Variants in SH3GL3 observed in about 807,000 individuals in gnomAD.
The protein encoded by SH3GL3 is SH3 domain containing GRB2 like 3, endophilin A3.
In SH3GL3, 33 loss-of-function variants were observed where a neutral mutation model predicts 47.7. The ratio of observed to expected loss-of-function variants is 0.69; its 90% confidence interval spans 0.52 to 0.92. SH3GL3 has a LOEUF of 0.92. SH3GL3 is among the 40% of genes least tolerant of loss of function. SH3GL3 has a pLI of 0.00. For missense variants in SH3GL3, 363 were observed against 417.8 expected (o/e 0.87, Z 1.14); for synonymous variants, 155 against 148.8 (o/e 1.04, Z -0.30).
intron 1 of SH3GL3, among the ~76,000 whole-genome samples, chr15:83,533,791 C>T (rs1182219517): frequency 2.0e-5 from 3 of 152,124 alleles, no homozygotes; most frequent in Non-Finnish European, 4.4e-5. Context: ...TGCAGTATGG[C>T]TTTGATCTCT....
chr15:83,563,319 A>G (rs1033791520), intron 2 of SH3GL3, among the ~76,000 whole-genome samples: 2 of 151,982 alleles, frequency 1.3e-5, no homozygotes, highest in African/African-American at 4.8e-5. Context: ...TCCATTTTCA[A>G]TATTACATAA....
the SH3GL3 span, among the ~76,000 whole-genome samples, chr15:83,629,767 C>T: frequency 6.6e-6 from 1 of 152,100 alleles, no homozygotes; most frequent in Non-Finnish European, 1.5e-5. Flanking sequence ...CTACAGTGAG[C>T]TATAATCACA....
chr15:83,624,114 G>A, the SH3GL3 span, among the ~76,000 whole-genome samples: 2 of 152,132 alleles, frequency 1.3e-5, no homozygotes, highest in Non-Finnish European at 1.5e-5. Flanking sequence ...ATATGTTGCC[G>A]GATGTGTTTG....
At chr15:83,505,152 T>C (rs749181896) in intron 1 of SH3GL3, among the ~76,000 whole-genome samples, 2 of 152,142 alleles carry the variant, frequency 1.3e-5, no homozygotes, top group Non-Finnish European at 2.9e-5. Flanking sequence ...TTGTCCTGGG[T>C]TTGAGACTAT....
chr15:83,577,940 C>A (rs558493674), intron 6 of SH3GL3, among the ~76,000 whole-genome samples: 3 of 152,214 alleles, frequency 2.0e-5, no homozygotes, highest in African/African-American at 7.2e-5. Flanking sequence ...GCTGTCATCC[C>A]CCAGCTCTCT....
intron 1 of SH3GL3, among the ~76,000 whole-genome samples, chr15:83,543,378 G>A (rs2044253970): frequency 6.6e-6 from 1 of 151,956 alleles, no homozygotes; most frequent in South Asian, 2.1e-4. Context: ...AATTCAGTTT[G>A]GTAGTAGTTT....
chr15:83,494,210 G>A (rs2041990466), intron 1 of SH3GL3, among the ~76,000 whole-genome samples: 1 of 152,230 alleles, frequency 6.6e-6, no homozygotes, highest in Admixed American at 6.5e-5. Flanking sequence ...TTGGGTGGCA[G>A]GAGGAATGGC....
chr15:83,449,382 C>G (rs2039621506), intron 1 of SH3GL3, among the ~76,000 whole-genome samples: 1 of 147,082 alleles, frequency 6.8e-6, no homozygotes, highest in Non-Finnish European at 1.5e-5. Flanking sequence ...CTGCTGTGAG[C>G]AGAGCAGAGC....
At chr15:83,559,390 T>G (rs578010154) in intron 2 of SH3GL3, 69 bp downstream of exon 2, 1 of 851,650 alleles carries the variant, frequency 1.2e-6, no homozygotes. Context: ...ATACTGCTAT[T>G]GTAAAGGATA....
chr15:83,517,364 C>T (rs1479556250), intron 1 of SH3GL3, among the ~76,000 whole-genome samples: 2 of 151,958 alleles, frequency 1.3e-5, no homozygotes, highest in East Asian at 3.9e-4. Flanking sequence ...ACTACCATGC[C>T]TGGCTAATTT....
At position 83,465,778 on chromosome 15, in the gene SH3GL3, A is replaced by G. The variant is rs146040093; in HGVS notation, c.45+18200A>G. ...TCGATATTTTGATAATTGTTTTTCA[A>G]TATAATTGTGTTCCTTTATTCTATG... On this transcript the variant is annotated intron_variant, in intron 1 of 8. Transcript: ENST00000427482. 1.3e-3 allele frequency among the ~76,000 whole-genome samples: 198 copies of G among 152,262 alleles called. 8 individuals are homozygous for G. In the East Asian group the frequency reaches 0.037, roughly 28 times the overall value.
intron 8 of SH3GL3, among the ~76,000 whole-genome samples, chr15:83,605,985 C>T (rs1376068711): frequency 1.3e-5 from 2 of 152,046 alleles, no homozygotes; most frequent in Non-Finnish European, 2.9e-5. Flanking sequence ...TTGTCACCTC[C>T]TGAATTATAT....
At chr15:83,524,855 A>G (rs991026786) in intron 1 of SH3GL3, among the ~76,000 whole-genome samples, 2 of 152,116 alleles carry the variant, frequency 1.3e-5, no homozygotes, top group African/African-American at 2.4e-5. Context: ...ATTCTTTTTT[A>G]TGGTTGAATA....
At chr15:83,550,243 G>A (rs2044594731) in intron 1 of SH3GL3, among the ~76,000 whole-genome samples, 1 of 152,110 alleles carries the variant, frequency 6.6e-6, no homozygotes, top group African/African-American at 2.4e-5. Context: ...GACATTTTTG[G>A]CACAGGGCTT....
intron 8 of SH3GL3, among the ~76,000 whole-genome samples, chr15:83,607,315 A>T (rs2060543780): frequency 6.6e-6 from 1 of 152,242 alleles, no homozygotes; most frequent in Non-Finnish European, 1.5e-5. Context: ...CTGGGATTAC[A>T]AACCAGGCAA....
intron 8 of SH3GL3, among the ~76,000 whole-genome samples, chr15:83,589,554 T>G (rs1377567227): frequency 6.6e-6 from 1 of 152,062 alleles, no homozygotes; most frequent in Non-Finnish European, 1.5e-5. Context: ...TTTTTTTATT[T>G]TTTGTAGAGA....
chr15:83,598,411 G>T (rs1047199989), intron 8 of SH3GL3, among the ~76,000 whole-genome samples: 11 of 152,104 alleles, frequency 7.2e-5, no homozygotes, highest in Non-Finnish European at 1.3e-4. Flanking sequence ...AGGCATTCTT[G>T]TATTCCTCAT....
intron 1 of SH3GL3, among the ~76,000 whole-genome samples, chr15:83,466,212 G>T (rs1299315448): frequency 6.6e-6 from 1 of 152,096 alleles, no homozygotes; most frequent in Non-Finnish European, 1.5e-5. Flanking sequence ...TCAATAGTTT[G>T]TTCCTTTTTA....
chr15:83,462,490 G>C (rs2040351613), intron 1 of SH3GL3, among the ~76,000 whole-genome samples: 1 of 152,168 alleles, frequency 6.6e-6, no homozygotes, highest in Non-Finnish European at 1.5e-5. Context: ...AGTTAGCACT[G>C]TCTGCTTTAA....
Sources: gnomAD v4.1 joint callset for allele counts (sites outside exome capture counted in the v4.1 genomes callset) on GRCh38, gnomAD v4.1.1 for gene constraint, MANE v1.5 for transcripts, NCBI Gene and HGNC (gene_info 2026-07-23, HGNC 2026-07-21) for gene names.